G3BP2: variants seen among roughly 807,000 people sequenced by gnomAD.
G3BP2 encodes ras GTPase-activating protein-binding protein 2.
A neutral mutation model predicts 56.7 loss-of-function variants in G3BP2; 11 were observed. The observed-to-expected ratio is 0.19, with a 90% confidence interval of 0.12 to 0.32. The LOEUF (loss-of-function observed/expected upper bound fraction) is 0.32, where lower values mean the gene tolerates loss of function less well. G3BP2 is among the 10% of genes least tolerant of loss of function. G3BP2 has a pLI of 1.00. For synonymous variants in G3BP2, 165 were observed against 191.6 expected (o/e 0.86, Z 1.15); for missense variants, 340 against 610.9 (o/e 0.56, Z 4.67).
chr4:75,692,597 A>G (rs1418315893), intron 3 of G3BP2, among the ~76,000 whole-genome samples: 1 of 152,150 alleles, frequency 6.6e-6, no homozygotes, highest in Non-Finnish European at 1.5e-5. Context: ...GGTGTGAGCC[A>G]CTGCACCCGG....
intron 3 of G3BP2, among the ~76,000 whole-genome samples, chr4:75,687,585 A>G (rs1398758426): frequency 6.6e-6 from 1 of 152,258 alleles, no homozygotes; most frequent in Non-Finnish European, 1.5e-5. Flanking sequence ...AAAACTGACG[A>G]ATGATTTGTA....
At chr4:75,666,109 T>C (rs1229187753) in intron 1 of G3BP2, among the ~76,000 whole-genome samples, 1 of 152,100 alleles carries the variant, frequency 6.6e-6, no homozygotes, top group African/African-American at 2.4e-5. Context: ...ATATCACAGG[T>C]CAAAATGCTC....
At position 75,655,091 on chromosome 4, in the gene G3BP2, A is replaced by C. The variant is rs778176701; in HGVS notation, c.701T>G (p.Val234Gly). The change falls in exon 7 of 12, where the codon GTT (valine) becomes GGT (glycine). Residue 234 changes from valine (V) to glycine (G), a missense_variant. This residue lies in a region of G3BP2 where 224 missense variants were observed against 332.5 expected (regional missense o/e 0.67). Transcript: ENST00000359707. The stretch of plus-strand genomic sequence containing the variant: ...CTTTGGTGGTTCTTGTGGCAGAGAA[A>C]CAGGTTCTGCCGGAGGAGGAGTAGT... Reference protein sequence around the residue: ...KSTTPPPAEPVSLPQEPPKAF... With the variant: ...KSTTPPPAEPGSLPQEPPKAF... 2 of 1,612,308 alleles carry C rather than the reference A, an allele frequency of 1.2e-6. No homozygotes were observed. The highest frequency in any genetic ancestry group is 2.2e-5 in the South Asian group (2 of 90,698).
Position 75,673,341 on chromosome 4 carries a change from G to A in G3BP2, c.-158C>T. ...GAAGCCTCGGAAGCCGGAGAGCCGC[G>A]AGTTCGTCTGCCTCACAACCACCTC... On this transcript the variant is annotated 5_prime_UTR_variant, in exon 1 of 12. Coordinates refer to ENST00000359707, the MANE Select transcript of G3BP2 (RefSeq NM_203505.3). The A allele has an allele frequency of 8.1e-7, 1 of 1,230,850 alleles. No homozygotes were observed. Among genetic ancestry groups the A allele is most frequent in the Middle Eastern group, 3.1e-4 (1 of 3,206 alleles). The allele number at this position is 1,230,850 out of a possible 1,614,324, so 76.2% of individuals were successfully genotyped here.
chr4:75,651,263 T>A (rs143949995), intron 8 of G3BP2, among the ~76,000 whole-genome samples: 5 of 152,210 alleles, frequency 3.3e-5, no homozygotes. Context: ...ATTACAAAAT[T>A]TAAGAAAAAC....
At chr4:75,668,385 T>C (rs1307046049) in intron 1 of G3BP2, among the ~76,000 whole-genome samples, 1 of 152,224 alleles carries the variant, frequency 6.6e-6, no homozygotes, top group Non-Finnish European at 1.5e-5. Flanking sequence ...ACTACTATAA[T>C]GGGGCTGCCT....
At chr4:75,691,696 G>A (rs1261876649) in intron 3 of G3BP2, among the ~76,000 whole-genome samples, 1 of 152,170 alleles carries the variant, frequency 6.6e-6, no homozygotes, top group Admixed American at 6.5e-5. Flanking sequence ...GTTGCACGTT[G>A]AAATCACCTG....
intron 8 of G3BP2, chr4:75,649,095 A>C (rs1171318809): frequency 6.0e-6 from 1 of 167,678 alleles, no homozygotes; most frequent in African/African-American, 2.4e-5. Context: ...GTAAATACAT[A>C]AACAAAATTA....
At chr4:75,676,075 C>G (rs939769551), upstream of G3BP2, among the ~76,000 whole-genome samples, 2 of 152,154 alleles carry the variant, frequency 1.3e-5, no homozygotes. Context: ...ATATCTCTAA[C>G]CTATTCTAAC....
chr4:75,689,053 A>C (rs575514818), intron 3 of G3BP2, among the ~76,000 whole-genome samples: 2 of 152,238 alleles, frequency 1.3e-5, no homozygotes, highest in South Asian at 4.1e-4. Context: ...ATAAGATGTG[A>C]AAGAGAAAAA....
intron 8 of G3BP2, among the ~76,000 whole-genome samples, chr4:75,650,365 C>T (rs4859402): frequency 0.15 from 19,599 of 132,476 alleles, 1,666 homozygotes; most frequent in East Asian, 0.28. Flanking sequence ...ACCTGGGAGG[C>T]GGAGGTTGCG....
Position 75,670,973 on chromosome 4 carries a change from A to C in G3BP2, c.-25+2235T>G, listed in dbSNP as rs138884943. 1.1e-4 allele frequency among the ~76,000 whole-genome samples: 16 copies of C among 152,360 alleles called. No homozygotes were observed. The East Asian group carries it at 2.9e-3, about 28-fold the overall frequency. On this transcript the variant is annotated intron_variant, in intron 1 of 11. Coordinates refer to ENST00000359707, the MANE Select transcript of G3BP2 (RefSeq NM_203505.3). The stretch of plus-strand genomic sequence containing the variant: ...ACAGCAGGACAGCAACAGAAAATCC[A>C]AGAATAATTTTCAATATACCTATGG...
At chr4:75,682,308 G>C (rs984164395) in intron 3 of G3BP2, among the ~76,000 whole-genome samples, 1 of 151,876 alleles carries the variant, frequency 6.6e-6, no homozygotes, top group African/African-American at 2.4e-5. Context: ...CCAGCTGCTC[G>C]GGAGGGCTGA....
In G3BP2 at chr4:75,719,620, C is replaced by T. The variant is rs552247258; in HGVS notation, c.-25+1257G>A. Among the ~76,000 whole-genome samples the T allele has an allele frequency of 1.1e-4, 16 of 152,094 alleles. 1 individual carries two copies. The highest frequency in any genetic ancestry group is 3.6e-4 in the African/African-American group (15 of 41,516). ...TCATTTCTTTTTTGAGACGGAGTTT[C>T]GCTCTTGTTGCGCAGGCTGGAGGGC... On this transcript the variant is annotated intron_variant, in intron 3 of 3. Coordinates refer to the G3BP2 transcript ENST00000499709.
chr4:75,671,361 A>G (rs934849386), intron 1 of G3BP2, among the ~76,000 whole-genome samples: 1 of 152,238 alleles, frequency 6.6e-6, no homozygotes, highest in Non-Finnish European at 1.5e-5. Context: ...AACAGCGATA[A>G]TTTTGCAGGA....
chr4:75,678,699 G>C (rs1733968601), intron 3 of G3BP2, among the ~76,000 whole-genome samples: 1 of 152,166 alleles, frequency 6.6e-6, no homozygotes, highest in Non-Finnish European at 1.5e-5. Context: ...GCCTGGATTT[G>C]AATCCCAGCT....
chr4:75,673,352 C>G lies in G3BP2; in HGVS notation c.-169G>C. The G allele has an allele frequency of 8.1e-7, 1 of 1,231,598 alleles. No individual in the cohort carries two copies. Among genetic ancestry groups the G allele is most frequent in the East Asian group, 3.2e-5 (1 of 31,644 alleles). 76.3% of individuals were successfully genotyped at this position (1,231,598 alleles called of 1,614,324 possible). A position where few individuals can be genotyped will look rare whatever the true frequency, so the allele number is the denominator to read the frequency against. ...AGCCGGAGAGCCGCGAGTTCGTCTG[C>G]CTCACAACCACCTCTTCCCGGGCGC... On this transcript the variant is annotated 5_prime_UTR_variant, in exon 1 of 12. Coordinates refer to ENST00000359707, the MANE Select transcript of G3BP2 (RefSeq NM_203505.3).
In G3BP2 at chr4:75,695,991, AAAAAAAAAAAG is replaced by A. The variant is rs57838373; in HGVS notation, c.-25+24875_-25+24885del. Among the ~76,000 whole-genome samples, 80 of 136,902 alleles carry A rather than the reference AAAAAAAAAAAG, an allele frequency of 5.8e-4. 1 individual carries two copies. The highest frequency in any genetic ancestry group is 1.4e-3 in the Admixed American group (17 of 12,578). 89.8% of individuals were successfully genotyped at this position (136,902 alleles called of 152,430 possible). On this transcript the variant is annotated intron_variant, in intron 3 of 3. Transcript: ENST00000499709. The stretch of plus-strand genomic sequence containing the variant: ...CTCTGTCTCAAAAAAAAAAAAAAAA[AAAAAAAAAAAG>A]AGTTAACAGAAAAGCACCTGAGATG...
chr4:75,664,861 CAA>C (rs1394326333), intron 1 of G3BP2, among the ~76,000 whole-genome samples: 1 of 151,626 alleles, frequency 6.6e-6, no homozygotes, highest in African/African-American at 2.4e-5. Context: ...AACAAACAGA[CAA>C]AAAAACACTG....
Sources: gnomAD v4.1 joint callset for allele counts (sites outside exome capture counted in the v4.1 genomes callset) on GRCh38, gnomAD v4.1.1 for gene constraint, gnomAD v4.1.1 regional missense constraint, MANE v1.5 for transcripts, NCBI Gene and HGNC (gene_info 2026-07-23, HGNC 2026-07-21) for gene names.